Variants in CENPK observed in about 807,000 individuals in gnomAD.
CENPK encodes the protein SoxLZ/Sox6-binding protein Solt.
CENPK carries 46 observed loss-of-function variants against 40.9 expected under a neutral mutation model. That is an observed-to-expected ratio of 1.13 (90% CI 0.89 to 1.44). CENPK has a LOEUF of 1.44. Ranked by LOEUF, CENPK falls within the 40% of genes most tolerant of loss-of-function variation. The probability of loss-of-function intolerance (pLI) is 0.00; values close to 1 mark genes in which losing one functional copy is unlikely to be tolerated. For synonymous variants in CENPK, 107 were observed against 104.4 expected, an observed-to-expected ratio of 1.02 and a Z score of -0.15; for missense variants, 288 against 303.5, an observed-to-expected ratio of 0.95 and a Z score of 0.38.
At chr5:65,544,511 T>C (rs1036513276) in intron 5 of CENPK, among the ~76,000 whole-genome samples, 16 of 152,160 alleles carry the variant, frequency 1.1e-4, no homozygotes, top group Non-Finnish European at 7.4e-5. Context: ...AGAACTATCA[T>C]ATGATCCACT....
rs755388790 is a variant in CENPK, at chr5:65,521,463, C to A, written c.651+12G>T. On this transcript the variant is annotated intron_variant, in intron 10 of 10. Transcript: ENST00000396679. ...CAGCTTCAAGACAAAACAAACTACA[C>A]AAAACACTTACCTCTAACATTTCAT... 6.2e-7 allele frequency: 1 copy of A among 1,605,292 alleles called. No individual in the cohort carries two copies. Among genetic ancestry groups the A allele is most frequent in the Non-Finnish European group, 8.5e-7 (1 of 1,174,028 alleles).
chr5:65,554,921 G>T lies in CENPK; in HGVS notation c.-14C>A. The T allele has an allele frequency of 6.8e-7, 1 of 1,464,074 alleles. No individual in the cohort carries two copies. Among genetic ancestry groups the T allele is most frequent in the Non-Finnish European group, 9.5e-7 (1 of 1,051,366 alleles). The allele number at this position is 1,464,074 out of a possible 1,614,324, so 90.7% of individuals were successfully genotyped here. On this transcript the variant is annotated 5_prime_UTR_variant, in exon 3 of 11. Transcript: ENST00000396679. Reference sequence around the variant, plus strand: ...CTCCTGATTCATTGATATATGCTTTGTGAATTTTTAGCCTTATAAGAAAAA... The same window carrying T: ...CTCCTGATTCATTGATATATGCTTTTTGAATTTTTAGCCTTATAAGAAAAA...
chr5:65,506,777 T>C, the CENPK span, among the ~76,000 whole-genome samples: 1 of 151,844 alleles, frequency 6.6e-6, no homozygotes, highest in Non-Finnish European at 1.5e-5. Flanking sequence ...AGAGCGACAC[T>C]TGGTCTCAAA....
At chr5:65,548,992 A>G (rs1331903328) in intron 5 of CENPK, among the ~76,000 whole-genome samples, 1 of 152,160 alleles carries the variant, frequency 6.6e-6, no homozygotes, top group Non-Finnish European at 1.5e-5. Flanking sequence ...GAAGGTTTCA[A>G]TGTACTTTGG....
intron 9 of CENPK, chr5:65,524,462 A>G (rs1215409689): frequency 6.6e-6 from 1 of 151,334 alleles, no homozygotes; most frequent in Non-Finnish European, 1.5e-5. Flanking sequence ...CATCCTGGCT[A>G]ACACAGTGAA....
At chr5:65,530,202 C>A (rs968633321) in intron 6 of CENPK, among the ~76,000 whole-genome samples, 1 of 152,074 alleles carries the variant, frequency 6.6e-6, no homozygotes, top group African/African-American at 2.4e-5. Flanking sequence ...GTTGATCAAT[C>A]ATTGACTATT....
chr5:65,530,272 C>T (rs143704158), intron 6 of CENPK, among the ~76,000 whole-genome samples: 100 of 151,544 alleles, frequency 6.6e-4, no homozygotes, highest in Non-Finnish European at 1.2e-3. Flanking sequence ...GGAATCCAGA[C>T]GTTTACTCCA....
intron 5 of CENPK, among the ~76,000 whole-genome samples, chr5:65,543,321 T>C (rs1748311873): frequency 6.6e-6 from 1 of 152,218 alleles, no homozygotes. Context: ...AATTTGATCC[T>C]ATTTATGTAC....
chr5:65,541,485 C>G (rs761878536), intron 6 of CENPK: 18 of 455,956 alleles, frequency 3.9e-5, no homozygotes, highest in Non-Finnish European at 7.5e-5. Flanking sequence ...ATTTTGGTAA[C>G]CAGAGGTGCT....
chr5:65,515,287 T>C (rs1403836761), downstream of CENPK, among the ~76,000 whole-genome samples: 2 of 148,956 alleles, frequency 1.3e-5, no homozygotes, highest in East Asian at 4.1e-4. Flanking sequence ...CACTGCAAGC[T>C]CCGCCTCCCG....
At chr5:65,537,653 CAGAAGAA>C (rs1275030188) in intron 6 of CENPK, among the ~76,000 whole-genome samples, 24 of 152,288 alleles carry the variant, frequency 1.6e-4, no homozygotes, top group African/African-American at 5.8e-4. Flanking sequence ...TCTGCAATAG[CAGAAGAA>C]AACAGACTAA....
At chr5:65,547,390 CAAAAA>C (rs70983677) in intron 5 of CENPK, among the ~76,000 whole-genome samples, 1 of 109,296 alleles carries the variant, frequency 9.1e-6, no homozygotes, top group African/African-American at 3.5e-5. Flanking sequence ...AAGACTGTCT[CAAAAA>C]AAAAAAAAAA....
intron 6 of CENPK, among the ~76,000 whole-genome samples, chr5:65,542,560 C>T (rs1748158314): frequency 6.6e-6 from 1 of 151,844 alleles, no homozygotes; most frequent in Admixed American, 6.6e-5. Flanking sequence ...TCACCTGACC[C>T]TGGGAGGCAG....
the CENPK span, among the ~76,000 whole-genome samples, chr5:65,502,598 C>CT: frequency 6.6e-6 from 1 of 151,602 alleles, no homozygotes; most frequent in Non-Finnish European, 1.5e-5. Context: ...CATGAAGAGT[C>CT]TTTTTTTGTT....
At chr5:65,500,845 T>C in the CENPK span, among the ~76,000 whole-genome samples, 1 of 151,966 alleles carries the variant, frequency 6.6e-6, no homozygotes, top group Non-Finnish European at 1.5e-5. Context: ...GTATTTTTTG[T>C]ATTTTCAGTA....
chr5:65,561,536 C>G lies in CENPK; in HGVS notation c.-113G>C. On this transcript the variant is annotated 5_prime_UTR_variant, in exon 2 of 11. Transcript: ENST00000396679. ...TCAACAGAACCAGAAAATGATGGCACCCAGATCTTGAATCTCCAGCCTCTA... is the reference window on the plus strand; with the variant it reads ...TCAACAGAACCAGAAAATGATGGCAGCCAGATCTTGAATCTCCAGCCTCTA... The G allele has an allele frequency of 2.2e-6, 1 of 455,792 alleles. No individual in the cohort carries two copies. The highest frequency in any genetic ancestry group is 4.4e-6 in the Non-Finnish European group (1 of 226,718). 28.2% of individuals were successfully genotyped at this position (455,792 alleles called of 1,614,324 possible). A position where few individuals can be genotyped will look rare whatever the true frequency, so the allele number is the denominator to read the frequency against.
At chr5:65,554,568 A>C (rs1750675545) in intron 3 of CENPK, among the ~76,000 whole-genome samples, 1 of 152,142 alleles carries the variant, frequency 6.6e-6, no homozygotes, top group Admixed American at 6.5e-5. Context: ...TGTTGTTTCC[A>C]TAAGATTGTA....
At chr5:65,517,041 C>G (rs1254676667), downstream of CENPK, among the ~76,000 whole-genome samples, 1 of 151,938 alleles carries the variant, frequency 6.6e-6, no homozygotes, top group Non-Finnish European at 1.5e-5. Flanking sequence ...CTCCCAGGTT[C>G]AAGCGATTCC....
At chr5:65,537,596 G>A (rs116776087) in intron 6 of CENPK, among the ~76,000 whole-genome samples, 74 of 152,290 alleles carry the variant, frequency 4.9e-4, no homozygotes, top group African/African-American at 1.7e-3. Context: ...CACCACGCCC[G>A]GCCGGTGAAT....
Sources: gnomAD v4.1 joint callset for allele counts (sites outside exome capture counted in the v4.1 genomes callset) on GRCh38, gnomAD v4.1.1 for gene constraint, MANE v1.5 for transcripts, NCBI Gene and HGNC (gene_info 2026-07-23, HGNC 2026-07-21) for gene names.